KDM6A: variants seen among roughly 807,000 people sequenced by gnomAD.
KDM6A encodes the protein lysine-specific demethylase 6A.
In KDM6A, 11 loss-of-function variants were observed where a neutral mutation model predicts 117.6. The ratio of observed to expected loss-of-function variants is 0.09; its 90% CI spans 0.06 to 0.15. The LOEUF (loss-of-function observed/expected upper bound fraction) is 0.15, where lower values mean the gene tolerates loss of function less well. Ranked by LOEUF, KDM6A falls within the 10% of genes least tolerant of loss-of-function variation. The pLI is 1.00. For missense variants in KDM6A, 799 were observed against 1,077.3 expected (o/e 0.74, Z 3.62); for synonymous variants, 384 against 396.1 (o/e 0.97, Z 0.36).
At chrX:44,973,915 C>T (rs776158029) in intron 3 of KDM6A, among the ~76,000 whole-genome samples, 2 of 111,111 alleles carry the variant, frequency 1.8e-5, no homozygotes, top group African/African-American at 6.5e-5. Context: ...TCATCCCCCT[C>T]AATGAAAACA....
At chrX:44,997,362 C>A (rs1303505564) in intron 4 of KDM6A, among the ~76,000 whole-genome samples, 1 of 112,150 alleles carries the variant, frequency 8.9e-6, no homozygotes, top group Non-Finnish European at 1.9e-5. Flanking sequence ...GCTGGCCAAA[C>A]TCTGCCTAGT....
chrX:44,963,483 G>GTGTGTGTGTGTGTGTCTGTC (rs1481840859), intron 3 of KDM6A, among the ~76,000 whole-genome samples: 416 of 40,850 alleles, frequency 0.01, 3 homozygotes, highest in African/African-American at 0.03. Context: ...GTGTGTGTGT[G>GTGTGTGTGTGTGTGTCTGTC]TGTCTGTCTG....
chrX:45,081,566 A>G (rs1413776789), intron 21 of KDM6A, among the ~76,000 whole-genome samples: 1 of 111,593 alleles, frequency 9.0e-6, no homozygotes, highest in Non-Finnish European at 1.9e-5. Context: ...CCACTATTAC[A>G]CATATATAGC....
At chrX:45,010,906 C>T (rs1467551696) in intron 4 of KDM6A, 55 bp from the exon 5 acceptor site, 2 of 850,333 alleles carry the variant, frequency 2.4e-6, no homozygotes, top group African/African-American at 3.9e-5. Context: ...ATAATAACAT[C>T]ATATATGTTA....
At chrX:45,038,656 G>A (rs1410699338) in intron 8 of KDM6A, among the ~76,000 whole-genome samples, 1 of 108,985 alleles carries the variant, frequency 9.2e-6, no homozygotes, top group Non-Finnish European at 1.9e-5. Flanking sequence ...ATGCACGTGG[G>A]GCTTAAAACC....
intron 2 of KDM6A, among the ~76,000 whole-genome samples, chrX:44,911,800 A>T (rs1473879670): frequency 2.7e-5 from 3 of 112,057 alleles, no homozygotes; most frequent in African/African-American, 9.7e-5. Flanking sequence ...CGAGGCTGGC[A>T]GGTCACTCCG....
At chrX:45,071,323 T>A (rs1005527410) in intron 18 of KDM6A, among the ~76,000 whole-genome samples, 14 of 112,340 alleles carry the variant, frequency 1.2e-4, no homozygotes, top group African/African-American at 4.2e-4. Context: ...AGTTCTAGTT[T>A]GGCTACATTG....
At chrX:45,047,664 CTTTTTTTTTCTTT>C (rs2043611307) in intron 8 of KDM6A, among the ~76,000 whole-genome samples, 3 of 27,213 alleles carry the variant, frequency 1.1e-4, no homozygotes, top group African/African-American at 3.3e-4. Context: ...TATCTGCTTG[CTTTTTTTTTCTTT>C]TTTTTTTTTT....
chrX:44,886,439 A>C (rs771321227), intron 2 of KDM6A, among the ~76,000 whole-genome samples: 85 of 109,900 alleles, frequency 7.7e-4, no homozygotes, highest in Admixed American at 4.1e-3. Flanking sequence ...CATGAATATT[A>C]ATTCATTCCG....
chrX:44,983,174 A>C (rs2039996112), intron 4 of KDM6A, among the ~76,000 whole-genome samples: 1 of 111,748 alleles, frequency 8.9e-6, no homozygotes, highest in African/African-American at 3.3e-5. Flanking sequence ...CACATCTTAG[A>C]AATTATTATC....
At position 45,078,999 on chromosome X, in the gene KDM6A, C is replaced by G. The variant is rs1602926687; in HGVS notation, c.3095-147C>G. 10 of 489,090 alleles carry G rather than the reference C, an allele frequency of 2.0e-5. No homozygotes were observed. In the East Asian group the frequency reaches 3.7e-4, roughly 18 times the overall value. The allele number at this position is 489,090 out of a possible 1,213,427, so 40.3% of individuals were successfully genotyped here. A position where few individuals can be genotyped will look rare whatever the true frequency, so the allele number is the denominator to read the frequency against. ...GGTTCTGCAAACTTGGCACATAGCT[C>G]AGGTTGTGCAGAGGCCCTAGTTTTT... On this transcript the variant is annotated intron_variant, in intron 20 of 29. Coordinates refer to ENST00000611820, the MANE Select transcript of KDM6A (RefSeq NM_001291415.2).
chrX:45,090,835 C>T lies in KDM6A; in HGVS notation c.4005C>T (p.Val1335=), dbSNP rs200509327. The change falls in exon 27 of 30, where the codon GTC becomes GTT. Residue 1335 remains valine, a synonymous_variant. Transcript: ENST00000611820. ...GGAATATGGCACGAAATATCAAGGT[C>T]TCAGATCCAAAGCTTTTTGAAATGA... ...LSWNMARNIK[V]SDPKLFEMIK... 9 of 1,207,814 alleles carry T rather than the reference C, an allele frequency of 7.5e-6. No individual in the cohort carries two copies. The highest frequency in any genetic ancestry group is 2.3e-4 in the Middle Eastern group (1 of 4,361).
Position 45,083,558 on chromosome X carries a change from G to A in KDM6A, c.3539G>A (p.Gly1180Asp), listed in dbSNP as rs2148153147. The change falls in exon 24 of 30, where the codon GGC (glycine) becomes GAC (aspartate). Residue 1180 changes from glycine (G) to aspartate (D), a missense_variant. Transcript: ENST00000611820. Reference sequence around the variant, plus strand: ...AGCCATGTTGGTCATACCATATTGGGCATGAACACAGTTCAACTATACATG... The same window carrying A: ...AGCCATGTTGGTCATACCATATTGGACATGAACACAGTTCAACTATACATG... Reference protein sequence around the residue: ...LLSHVGHTILGMNTVQLYMKV... With the variant: ...LLSHVGHTILDMNTVQLYMKV... 1 of 1,208,587 alleles carries A rather than the reference G, an allele frequency of 8.3e-7. No homozygotes were observed. The highest frequency in any genetic ancestry group is 1.1e-6 in the Non-Finnish European group (1 of 892,708).
chrX:45,034,338 C>T (rs1196756130), intron 6 of KDM6A, among the ~76,000 whole-genome samples: 9 of 111,904 alleles, frequency 8.0e-5, no homozygotes, highest in Non-Finnish European at 1.7e-4. Flanking sequence ...GAAAATTATA[C>T]AAATTCTATG....
chrX:45,016,948 A>T (rs555736647), intron 5 of KDM6A, among the ~76,000 whole-genome samples: 1 of 111,977 alleles, frequency 8.9e-6, no homozygotes, highest in South Asian at 3.7e-4. Context: ...TATATTCAGC[A>T]CATGTATATG....
chrX:44,978,108 C>T (rs1008711623), intron 4 of KDM6A, among the ~76,000 whole-genome samples: 1 of 112,121 alleles, frequency 8.9e-6, no homozygotes, highest in African/African-American at 3.2e-5. Context: ...TATTTTGAAT[C>T]ATAGGATGGG....
intron 4 of KDM6A, among the ~76,000 whole-genome samples, chrX:44,988,930 A>G (rs1455707584): frequency 3.6e-5 from 4 of 110,154 alleles, no homozygotes; most frequent in Admixed American, 2.9e-4. Context: ...GCTGTCTTCA[A>G]AGCTGTCAGA....
intron 4 of KDM6A, among the ~76,000 whole-genome samples, chrX:44,978,641 A>C (rs1412008818): frequency 8.9e-6 from 1 of 112,146 alleles, no homozygotes; most frequent in South Asian, 3.7e-4. Context: ...ATTTTTTGAG[A>C]TATGATTTAC....
chrX:45,058,186 A>G (rs2044160718), intron 10 of KDM6A, among the ~76,000 whole-genome samples: 1 of 102,286 alleles, frequency 9.8e-6, no homozygotes, highest in Non-Finnish European at 2.0e-5. Context: ...ATTTGATATG[A>G]CATCATGACA....
Sources: allele counts gnomAD v4.1 joint callset (sites outside exome capture counted in the v4.1 genomes callset), GRCh38; gene constraint gnomAD v4.1.1; transcripts MANE v1.5; gene names NCBI Gene and HGNC (gene_info 2026-07-23, HGNC 2026-07-21).